The following CHD9 variants were observed in gnomAD, a reference collection of about 807,000 sequenced individuals.
The protein encoded by CHD9 is ATP-dependent chromatin remodeler CHD9.
CHD9 carries 77 observed loss-of-function variants against 316.1 expected under a neutral mutation model. The ratio of observed to expected loss-of-function variants is 0.24; its 90% CI spans 0.20 to 0.29. The LOEUF (loss-of-function observed/expected upper bound fraction) is 0.29. Among genes scored for constraint, CHD9 ranks in the 10% least tolerant of loss-of-function variants. The pLI is 1.00. For missense variants in CHD9, 2,763 were observed against 3,438.1 expected (o/e 0.80, Z 4.91); for synonymous variants, 1,129 against 1,158.3 (o/e 0.97, Z 0.51).
intron 2 of CHD9, among the ~76,000 whole-genome samples, chr16:53,183,874 A>G (rs2043751487): frequency 1.3e-5 from 2 of 152,028 alleles, no homozygotes; most frequent in African/African-American, 2.4e-5. Flanking sequence ...TAGTGTCCTC[A>G]TTCATAAAAT....
At chr16:53,106,188 C>T (rs137854938) in intron 1 of CHD9, among the ~76,000 whole-genome samples, 6 of 152,278 alleles carry the variant, frequency 3.9e-5, no homozygotes, top group African/African-American at 1.4e-4. Flanking sequence ...TCCTTTGCAT[C>T]GTCTCTGCTC....
At chr16:53,111,581 C>A (rs182623127) in intron 1 of CHD9, among the ~76,000 whole-genome samples, 86 of 152,308 alleles carry the variant, frequency 5.6e-4, no homozygotes, top group African/African-American at 1.9e-3. Flanking sequence ...TTACCACTAG[C>A]TCCAACCCCA....
At chr16:53,223,362 A>G (rs1413758196) in intron 4 of CHD9, 1 of 152,292 alleles carries the variant, frequency 6.6e-6, no homozygotes, top group Admixed American at 6.6e-5. Context: ...CTAATAACTA[A>G]AGTATGACTG....
Position 53,303,750 on chromosome 16 carries a change from C to T in CHD9, c.5744C>T (p.Pro1915Leu). 2 of 1,610,334 alleles carry T rather than the reference C, an allele frequency of 1.2e-6. No homozygotes were observed. The highest frequency in any genetic ancestry group is 1.1e-5 in the South Asian group (1 of 90,384). Reference protein sequence around the residue: ...ELVDPNIFIQPITEERASRTL... With the variant: ...ELVDPNIFIQLITEERASRTL... The stretch of plus-strand genomic sequence containing the variant: ...GTGGATCCAAATATTTTTATCCAGC[C>T]CATCACAGAAGAACGTGCTTCTAGG... Residue 1915 changes from proline to leucine, a missense_variant, in exon 31 of 39, where the codon CCC becomes CTC. Around this residue, in one of 15 missense-constraint regions of CHD9, gnomAD observed 663 missense variants for 751.2 expected, o/e 0.88. Transcript: ENST00000447540.
chr16:53,274,082 C>G (rs950892060), intron 23 of CHD9, 131 bp from the exon 24 acceptor site: 19 of 677,294 alleles, frequency 2.8e-5, no homozygotes, highest in Non-Finnish European at 4.9e-5. Context: ...TAATAAGATT[C>G]ATTTAATCAG....
intron 1 of CHD9, among the ~76,000 whole-genome samples, chr16:53,120,782 A>T (rs1450255066): frequency 6.6e-6 from 1 of 152,146 alleles, no homozygotes; most frequent in Non-Finnish European, 1.5e-5. Context: ...AGGCGGGTGG[A>T]TCACTTGAGG....
intron 1 of CHD9, among the ~76,000 whole-genome samples, chr16:53,055,788 C>T (rs1348202701): frequency 6.6e-6 from 1 of 152,158 alleles, no homozygotes; most frequent in Non-Finnish European, 1.5e-5. Context: ...CCCCACCCCC[C>T]ACAGTAGGGC....
chr16:53,219,928 G>A (rs1027196712), intron 3 of CHD9, among the ~76,000 whole-genome samples: 1 of 152,214 alleles, frequency 6.6e-6, no homozygotes, highest in Non-Finnish European at 1.5e-5. Context: ...ATTAAAAGTA[G>A]TTTTGAGAGT....
chr16:53,169,082 A>C (rs1408335044), intron 2 of CHD9: 1 of 152,208 alleles, frequency 6.6e-6, no homozygotes, highest in Non-Finnish European at 1.5e-5. Flanking sequence ...GTTGTGGTGC[A>C]TGCCTGTAGT....
intron 1 of CHD9, among the ~76,000 whole-genome samples, chr16:53,074,072 C>A (rs140888927): frequency 2.0e-5 from 3 of 152,152 alleles, no homozygotes; most frequent in African/African-American, 7.2e-5. Context: ...ACAATGAAAT[C>A]GAGGCTGAGG....
At chr16:53,121,096 AT>A (rs2038710797) in intron 1 of CHD9, among the ~76,000 whole-genome samples, 1 of 152,240 alleles carries the variant, frequency 6.6e-6, no homozygotes, top group African/African-American at 2.4e-5. Flanking sequence ...AAATTAATAA[AT>A]ATAATTAATT....
chr16:53,068,469 G>A (rs1248262092), intron 1 of CHD9, among the ~76,000 whole-genome samples: 1 of 152,032 alleles, frequency 6.6e-6, no homozygotes, highest in East Asian at 1.9e-4. Flanking sequence ...TAAACACAGG[G>A]CCCGCTAAAG....
chr16:53,190,574 C>T (rs953906757), intron 2 of CHD9, among the ~76,000 whole-genome samples: 2 of 151,990 alleles, frequency 1.3e-5, no homozygotes, highest in Admixed American at 6.6e-5. Context: ...GCTTATCTTC[C>T]TCCATTGAAT....
At chr16:53,099,779 A>G (rs532485145) in intron 1 of CHD9, among the ~76,000 whole-genome samples, 2 of 152,302 alleles carry the variant, frequency 1.3e-5, no homozygotes, top group South Asian at 4.1e-4. Flanking sequence ...CCATGACAGC[A>G]GACTCTAAGA....
At chr16:53,243,043 AC>A (rs2049240831) in intron 13 of CHD9, 27 bp downstream of exon 13, 1 of 1,511,178 alleles carries the variant, frequency 6.6e-7, no homozygotes, top group Non-Finnish European at 9.1e-7. Context: ...TATCATTATG[AC>A]AATTGAGTTT....
At chr16:53,222,817 T>C (rs1185999613) in intron 4 of CHD9, 62 bp downstream of exon 4, 1 of 780,230 alleles carries the variant, frequency 1.3e-6, no homozygotes, top group Non-Finnish European at 2.1e-6. Context: ...TAGCATAATA[T>C]TGCCTTATAG....
At chr16:53,077,602 C>T (rs1461191322) in intron 1 of CHD9, among the ~76,000 whole-genome samples, 2 of 152,254 alleles carry the variant, frequency 1.3e-5, no homozygotes, top group African/African-American at 4.8e-5. Context: ...GCTGGGATTA[C>T]AGGTATGAGC....
intron 19 of CHD9, among the ~76,000 whole-genome samples, chr16:53,260,480 A>G (rs1333173306): frequency 6.6e-6 from 1 of 150,634 alleles, no homozygotes; most frequent in Non-Finnish European, 1.5e-5. Context: ...CCTTTTCTCA[A>G]AAAAAAAAAG....
At chr16:53,091,966 C>CGAG (rs1186883495) in intron 1 of CHD9, among the ~76,000 whole-genome samples, 1 of 152,200 alleles carries the variant, frequency 6.6e-6, no homozygotes, top group Non-Finnish European at 1.5e-5. Context: ...TTCACCCAGC[C>CGAG]GAGAGCAGCG....
Sources: gnomAD v4.1 joint callset for allele counts (sites outside exome capture counted in the v4.1 genomes callset) on GRCh38, gnomAD v4.1.1 for gene constraint, gnomAD v4.1.1 regional missense constraint, MANE v1.5 for transcripts, NCBI Gene and HGNC (gene_info 2026-07-23, HGNC 2026-07-21) for gene names.